The following AKT3 variants were observed in gnomAD, a reference collection of about 807,000 sequenced individuals.
AKT3 encodes the protein AKT serine/threonine kinase 3.
In AKT3, 15 loss-of-function variants were observed where a neutral mutation model predicts 65.3. That is an observed-to-expected ratio of 0.23 (90% CI 0.15 to 0.35). The LOEUF is 0.35. Ranked by LOEUF, AKT3 falls within the 10% of genes least tolerant of loss-of-function variation. The pLI is 1.00. For synonymous variants in AKT3, 206 were observed against 183.8 expected (o/e 1.12, Z -0.98); for missense variants, 243 against 576.5 (o/e 0.42, Z 5.92).
At chr1:243,731,142 G>A (rs1212295068) in intron 2 of AKT3, among the ~76,000 whole-genome samples, 8 of 152,288 alleles carry the variant, frequency 5.3e-5, no homozygotes, top group Non-Finnish European at 1.2e-4. Context: ...GTGACATTTC[G>A]ATTATTTCTG....
At chr1:243,759,923 G>C (rs1019786195) in intron 2 of AKT3, among the ~76,000 whole-genome samples, 1 of 152,088 alleles carries the variant, frequency 6.6e-6, no homozygotes, top group Non-Finnish European at 1.5e-5. Flanking sequence ...GCCACATTAA[G>C]CTGAAATCAC....
intron 2 of AKT3, among the ~76,000 whole-genome samples, chr1:243,828,810 GC>G (rs1407041870): frequency 6.6e-6 from 1 of 152,102 alleles, no homozygotes; most frequent in Non-Finnish European, 1.5e-5. Context: ...GGTGGTCTGT[GC>G]CCCTAACTCT....
chr1:243,675,704 T>C (rs968213256), intron 3 of AKT3, among the ~76,000 whole-genome samples: 1 of 152,216 alleles, frequency 6.6e-6, no homozygotes, highest in Non-Finnish European at 1.5e-5. Context: ...TTTTCCTTGT[T>C]CTCATTTTCA....
chr1:243,745,350 T>TA (rs931566306), intron 2 of AKT3, among the ~76,000 whole-genome samples: 12 of 152,008 alleles, frequency 7.9e-5, no homozygotes, highest in Admixed American at 5.2e-4. Flanking sequence ...AAAAATAAAA[T>TA]AAGAGTATTG....
chr1:243,679,928 C>G (rs771900783), intron 3 of AKT3, among the ~76,000 whole-genome samples: 1 of 152,060 alleles, frequency 6.6e-6, no homozygotes, highest in Non-Finnish European at 1.5e-5. Flanking sequence ...AAATGTTACA[C>G]AGGACTAACG....
intron 2 of AKT3, among the ~76,000 whole-genome samples, chr1:243,787,730 T>C (rs905785534): frequency 1.4e-4 from 21 of 152,194 alleles, no homozygotes; most frequent in Admixed American, 1.3e-3. Flanking sequence ...CCTTTGAGTA[T>C]ACCAATTTGC....
chr1:243,850,326 G>C (rs534039678), upstream of AKT3, among the ~76,000 whole-genome samples: 2 of 147,850 alleles, frequency 1.4e-5, no homozygotes, highest in African/African-American at 4.9e-5. Context: ...CGGCGGGAGG[G>C]GGAGGGAGGA....
chr1:243,546,308 G>C (rs532207014), intron 11 of AKT3, among the ~76,000 whole-genome samples: 1 of 152,180 alleles, frequency 6.6e-6, no homozygotes, highest in South Asian at 2.1e-4. Flanking sequence ...CTTCATAGCA[G>C]AATGAAAATG....
At chr1:243,520,602 C>T (rs1261994852) in intron 12 of AKT3, among the ~76,000 whole-genome samples, 1 of 152,180 alleles carries the variant, frequency 6.6e-6, no homozygotes, top group African/African-American at 2.4e-5. Flanking sequence ...TATGGATCAA[C>T]TCAATGAACA....
intron 12 of AKT3, among the ~76,000 whole-genome samples, chr1:243,537,800 C>A (rs746630795): frequency 6.6e-6 from 1 of 152,226 alleles, no homozygotes; most frequent in Non-Finnish European, 1.5e-5. Context: ...CTATCCACCA[C>A]AGATTCCCAG....
chr1:243,615,324 T>C (rs1389331789), intron 6 of AKT3, among the ~76,000 whole-genome samples, 163 bp from the exon 7 acceptor site: 1 of 152,080 alleles, frequency 6.6e-6, no homozygotes, highest in Non-Finnish European at 1.5e-5. Context: ...TCCACCAAAA[T>C]ACAAAAAAAC....
At chr1:243,672,351 A>G (rs1158752460) in intron 3 of AKT3, among the ~76,000 whole-genome samples, 2 of 152,202 alleles carry the variant, frequency 1.3e-5, no homozygotes, top group East Asian at 3.8e-4. Flanking sequence ...AAAAAGTTCA[A>G]TTACTAATAA....
At chr1:243,590,402 GAAATA>G (rs1403079553) in intron 8 of AKT3, among the ~76,000 whole-genome samples, 1 of 151,358 alleles carries the variant, frequency 6.6e-6, no homozygotes, top group Non-Finnish European at 1.5e-5. Flanking sequence ...AAGCCAAGAA[GAAATA>G]AATTAAAAAA....
In AKT3 at chr1:243,721,863, G is replaced by T. The variant is rs191927944; in HGVS notation, c.47-26147C>A. On this transcript the variant is annotated intron_variant, in intron 2 of 13. Transcript: ENST00000673466. ...TCCAGGCAAGGCACATCAGAGGTGA[G>T]ATTACCCTACAGATAACTTTTTTAA... Among the ~76,000 whole-genome samples the T allele has an allele frequency of 2.2e-4, 34 of 152,144 alleles. No individual in the cohort carries two copies. The East Asian group carries it at 6.0e-3, about 27-fold the overall frequency.
chr1:243,497,046 C>T (rs1668109006), downstream of AKT3, among the ~76,000 whole-genome samples: 1 of 152,192 alleles, frequency 6.6e-6, no homozygotes. Context: ...GAGACACTGG[C>T]TGAGGGCTCA....
chr1:243,588,304 CT>C (rs1399445898), intron 8 of AKT3, among the ~76,000 whole-genome samples: 1 of 152,138 alleles, frequency 6.6e-6, no homozygotes, highest in Non-Finnish European at 1.5e-5. Context: ...TGTAGTAGCT[CT>C]TAGAGCTCAC....
At chr1:243,783,814 T>C (rs1016471501) in intron 2 of AKT3, among the ~76,000 whole-genome samples, 1 of 152,112 alleles carries the variant, frequency 6.6e-6, no homozygotes, top group Non-Finnish European at 1.5e-5. Context: ...CAATTGATAA[T>C]AGAAAGCAGT....
intron 8 of AKT3, among the ~76,000 whole-genome samples, chr1:243,605,132 T>C (rs1677299153): frequency 6.6e-6 from 1 of 152,100 alleles, no homozygotes; most frequent in African/African-American, 2.4e-5. Flanking sequence ...TCAAGTGAAC[T>C]TCCCACCTCA....
chr1:243,849,970 G>C (rs1025693023), intron 1 of AKT3, 70 bp downstream of exon 1: 2 of 959,350 alleles, frequency 2.1e-6, no homozygotes, highest in Non-Finnish European at 2.5e-6. Flanking sequence ...AGGGCGGACC[G>C]GGGCCCGGGG....
Sources: gnomAD v4.1 joint callset for allele counts (sites outside exome capture counted in the v4.1 genomes callset) on GRCh38, gnomAD v4.1.1 for gene constraint, MANE v1.5 for transcripts, NCBI Gene and HGNC (gene_info 2026-07-23, HGNC 2026-07-21) for gene names.